FILIP1L: variants seen among roughly 807,000 people sequenced by gnomAD.
FILIP1L encodes filamin A interacting protein 1 like.
Under a neutral mutation model 96.6 loss-of-function variants are expected in FILIP1L, and 55 were observed. The observed-to-expected ratio is 0.57, with a 90% CI of 0.46 to 0.71. FILIP1L has a LOEUF of 0.71. Ranked by LOEUF, FILIP1L falls within the 30% of genes least tolerant of loss-of-function variation. FILIP1L has a pLI of 0.00. For missense variants in FILIP1L, 1,304 were observed against 1,321.2 expected (o/e 0.99, Z 0.20); for synonymous variants, 467 against 473.9 (o/e 0.99, Z 0.19).
intron 4 of FILIP1L, among the ~76,000 whole-genome samples, chr3:99,914,867 T>A (rs1013583501): frequency 1.3e-5 from 2 of 152,196 alleles, no homozygotes; most frequent in Non-Finnish European, 2.9e-5. Context: ...TGTGATACAG[T>A]AGTATTCATC....
chr3:99,987,828 A>G (rs1209773769), intron 1 of FILIP1L, among the ~76,000 whole-genome samples: 1 of 152,248 alleles, frequency 6.6e-6, no homozygotes, highest in Non-Finnish European at 1.5e-5. Flanking sequence ...TTAACTTAAA[A>G]AATAACATTC....
intron 4 of FILIP1L, among the ~76,000 whole-genome samples, chr3:99,878,723 T>C (rs776210354): frequency 4.3e-4 from 65 of 152,192 alleles, no homozygotes; most frequent in Non-Finnish European, 7.2e-4. Flanking sequence ...TCATCACCAT[T>C]TCACTTCAAA....
intron 1 of FILIP1L, among the ~76,000 whole-genome samples, chr3:100,047,658 T>C (rs978359015): frequency 2.0e-5 from 3 of 152,186 alleles, no homozygotes; most frequent in Non-Finnish European, 4.4e-5. Flanking sequence ...TAGAGTTTTG[T>C]CCTTCTGGAA....
chr3:99,906,245 C>A (rs964487512), intron 4 of FILIP1L, among the ~76,000 whole-genome samples: 6 of 152,122 alleles, frequency 3.9e-5, no homozygotes, highest in Non-Finnish European at 8.8e-5. Flanking sequence ...CTGTAGTACT[C>A]CCTCGTTGTA....
chr3:99,881,951 A>G (rs982708721), intron 4 of FILIP1L, among the ~76,000 whole-genome samples: 7 of 152,236 alleles, frequency 4.6e-5, no homozygotes, highest in Admixed American at 2.6e-4. Flanking sequence ...TCAAAGTACA[A>G]TTGAACAAGT....
At chr3:100,091,018 G>T (rs1016761977) in intron 1 of FILIP1L, among the ~76,000 whole-genome samples, 19 of 152,188 alleles carry the variant, frequency 1.2e-4, no homozygotes, top group Non-Finnish European at 2.8e-4. Context: ...GGGCACAGTG[G>T]CTCACGCCTG....
At chr3:100,079,710 A>G (rs2107399379) in intron 1 of FILIP1L, among the ~76,000 whole-genome samples, 1 of 152,274 alleles carries the variant, frequency 6.6e-6, no homozygotes, top group East Asian at 1.9e-4. Flanking sequence ...AACATTAGGT[A>G]CCTGTATTCA....
chr3:100,013,420 T>A (rs1393906354), intron 1 of FILIP1L, among the ~76,000 whole-genome samples: 1 of 151,790 alleles, frequency 6.6e-6, no homozygotes, highest in East Asian at 1.9e-4. Context: ...ATTTTTATAT[T>A]TTTAGTAGAG....
Position 99,927,608 on chromosome 3 carries a change from A to T in FILIP1L, c.426+2248T>A, listed in dbSNP as rs377507232. Among the ~76,000 whole-genome samples the T allele has an allele frequency of 3.9e-5, 6 of 152,166 alleles. No individual in the cohort carries two copies. The East Asian group carries it at 9.6e-4, about 24-fold the overall frequency. ...GGTCTCGAATTCCCGACCTCAGGTG[A>T]TCTGCCTGCCTCGGCCTCCCAAAGT... On this transcript the variant is annotated intron_variant, in intron 3 of 5. Coordinates refer to ENST00000477258, the MANE Select transcript of FILIP1L (RefSeq NM_001387850.1).
intron 5 of FILIP1L, among the ~76,000 whole-genome samples, chr3:99,838,306 C>T (rs1942980919): frequency 6.6e-6 from 1 of 152,152 alleles, no homozygotes. Context: ...TCTCTTGTCA[C>T]CCTAACAGTG....
At chr3:100,020,712 A>T (rs2064796833) in intron 1 of FILIP1L, among the ~76,000 whole-genome samples, 1 of 150,948 alleles carries the variant, frequency 6.6e-6, no homozygotes, top group South Asian at 2.1e-4. Context: ...TATACATGTT[A>T]CTATTAACTT....
At chr3:99,830,683 C>G in intron 5 of FILIP1L, 78 bp from the exon 6 acceptor site, 1 of 429,640 alleles carries the variant, frequency 2.3e-6, no homozygotes. Flanking sequence ...GACATGGAGT[C>G]AGTTTGGAGG....
intron 4 of FILIP1L, among the ~76,000 whole-genome samples, chr3:99,860,074 G>C (rs916068888): frequency 6.6e-6 from 1 of 152,270 alleles, no homozygotes; most frequent in Non-Finnish European, 1.5e-5. Context: ...ATCTATGTCT[G>C]CTTTATGTCC....
chr3:99,978,632 C>A (rs1305277213), intron 1 of FILIP1L, among the ~76,000 whole-genome samples: 1 of 152,102 alleles, frequency 6.6e-6, no homozygotes, highest in Non-Finnish European at 1.5e-5. Context: ...CCAGGGCTCT[C>A]CCCTGTAATC....
intron 1 of FILIP1L, among the ~76,000 whole-genome samples, chr3:100,035,249 G>T (rs2065086715): frequency 6.6e-6 from 1 of 152,074 alleles, no homozygotes; most frequent in East Asian, 1.9e-4. Context: ...TCCATGCTGT[G>T]CGCATATTCC....
intron 1 of FILIP1L, among the ~76,000 whole-genome samples, chr3:100,064,559 G>A (rs980720438): frequency 2.0e-5 from 3 of 152,180 alleles, no homozygotes; most frequent in Non-Finnish European, 4.4e-5. Context: ...ACTATTATAT[G>A]TAGAGAACTT....
At chr3:99,992,015 T>C (rs1170394081) in intron 1 of FILIP1L, among the ~76,000 whole-genome samples, 2 of 148,818 alleles carry the variant, frequency 1.3e-5, no homozygotes, top group Admixed American at 1.3e-4. Context: ...TGTGTGTGTA[T>C]ATATATATAT....
chr3:99,850,226 A>ATTC lies in FILIP1L; in HGVS notation c.1447_1449dup (p.Glu483dup). 1 of 1,613,530 alleles carries ATTC rather than the reference A, an allele frequency of 6.2e-7. No homozygotes were observed. Among genetic ancestry groups the ATTC allele is most frequent in the Non-Finnish European group, 8.5e-7 (1 of 1,179,988 alleles). On this transcript the variant is annotated inframe_insertion, in exon 5 of 6. Coordinates refer to ENST00000477258, the MANE Select transcript of FILIP1L (RefSeq NM_001387850.1). ...TTAGTTAAATCCTCTTTTAGAGTGA[A>ATTC]TTCTGTCTTTTCTAGCCGACTTTCA... is the stretch of plus-strand genomic sequence containing the variant.
chr3:99,973,031 T>C (rs1234322387), intron 1 of FILIP1L, among the ~76,000 whole-genome samples: 2 of 152,174 alleles, frequency 1.3e-5, no homozygotes, highest in Non-Finnish European at 2.9e-5. Context: ...AAAGCTCCCC[T>C]TTTATCTGTT....
Sources: allele counts gnomAD v4.1 joint callset (sites outside exome capture counted in the v4.1 genomes callset), GRCh38; gene constraint gnomAD v4.1.1; transcripts MANE v1.5; gene names NCBI Gene and HGNC (gene_info 2026-07-23, HGNC 2026-07-21).